The following SDK2 variants were observed in gnomAD, a reference collection of about 807,000 sequenced individuals.
SDK2 encodes protein sidekick-2.
SDK2 carries 105 observed loss-of-function variants against 253.9 expected under a neutral mutation model. The ratio of observed to expected loss-of-function variants is 0.41; its 90% CI spans 0.35 to 0.49. SDK2 has a LOEUF of 0.49. Among genes scored for constraint, SDK2 ranks in the 20% least tolerant of loss-of-function variants. The pLI is 0.06. For synonymous variants in SDK2, 1,249 were observed against 1,234.9 expected, an observed-to-expected ratio of 1.01 and a Z score of -0.24; for missense variants, 2,608 against 3,003.0, an observed-to-expected ratio of 0.87 and a Z score of 3.07.
chr17:73,458,907 G>A (rs1237446167), intron 3 of SDK2, among the ~76,000 whole-genome samples: 1 of 152,216 alleles, frequency 6.6e-6, no homozygotes, highest in East Asian at 1.9e-4. Context: ...GGGAGGCTGA[G>A]GTAGGAGAAT....
chr17:73,422,156 C>T, intron 15 of SDK2, 131 bp downstream of exon 15: 1 of 996,726 alleles, frequency 1.0e-6, no homozygotes, highest in Non-Finnish European at 1.5e-6. Context: ...GGATTGCTCT[C>T]CCCTTCTACA....
chr17:73,396,403 C>G (rs761453771), intron 24 of SDK2, among the ~76,000 whole-genome samples: 4 of 152,156 alleles, frequency 2.6e-5, no homozygotes, highest in Admixed American at 6.5e-5. Context: ...TCACCTCCCC[C>G]AGTTCTGCTT....
rs752748221 is a variant in SDK2, at chr17:73,352,528, G to A, written c.5703C>T (p.Ile1901=). 3.7e-6 allele frequency: 6 copies of A among 1,613,882 alleles called. No individual in the cohort carries two copies. The highest frequency in any genetic ancestry group is 8.5e-7 in the Non-Finnish European group (1 of 1,179,896). Residue 1901 remains isoleucine (I), a synonymous_variant, in exon 41 of 45, where the codon ATC becomes ATT. Transcript: ENST00000392650. This position sits in a 1 kb window ranked among gnomAD's most constrained non-coding sequence, Gnocchi z 4.1. The part of the protein sequence containing the change: ...KPGVSYDFRV[I]AVNDYGFGTP... The stretch of plus-strand genomic sequence containing the variant: ...TGCCGAAACCATAGTCGTTGACCGC[G>A]ATGACCCGGAAGTCATAGCTCACGC...
At chr17:73,484,074 T>C (rs2063755538) in intron 2 of SDK2, among the ~76,000 whole-genome samples, 2 of 152,104 alleles carry the variant, frequency 1.3e-5, no homozygotes, top group Non-Finnish European at 1.5e-5. Flanking sequence ...ACAATTGTGC[T>C]TTAGAATTTC....
At chr17:73,617,856 C>T (rs572602637) in intron 1 of SDK2, among the ~76,000 whole-genome samples, 2 of 152,288 alleles carry the variant, frequency 1.3e-5, no homozygotes, top group African/African-American at 2.4e-5. Flanking sequence ...ATCCATCCCC[C>T]GGCCTCTGGG....
chr17:73,574,933 T>G (rs2045438336), intron 1 of SDK2, among the ~76,000 whole-genome samples: 1 of 152,192 alleles, frequency 6.6e-6, no homozygotes, highest in South Asian at 2.1e-4. Flanking sequence ...GTCTTGCACC[T>G]TAGTAGAGGC....
At chr17:73,597,898 G>C (rs1405197506) in intron 1 of SDK2, among the ~76,000 whole-genome samples, 1 of 152,146 alleles carries the variant, frequency 6.6e-6, no homozygotes, top group African/African-American at 2.4e-5. Context: ...GCCCACCTCA[G>C]CCTCCCAAAG....
At chr17:73,601,410 C>T (rs1184155162) in intron 1 of SDK2, among the ~76,000 whole-genome samples, 1 of 152,190 alleles carries the variant, frequency 6.6e-6, no homozygotes, top group Non-Finnish European at 1.5e-5. Flanking sequence ...CACCCAGAAC[C>T]TCACGATGTG....
chr17:73,419,135 C>G (rs536909782), intron 16 of SDK2, 31 bp downstream of exon 16: 48 of 1,606,856 alleles, frequency 3.0e-5, no homozygotes, highest in Non-Finnish European at 4.1e-5. Flanking sequence ...CCCCTTGGGA[C>G]TGGGCTCCTG....
chr17:73,569,457 C>CA (rs1358840016), intron 1 of SDK2, among the ~76,000 whole-genome samples: 1 of 152,008 alleles, frequency 6.6e-6, no homozygotes, highest in East Asian at 1.9e-4. Context: ...CTGGGCCTCC[C>CA]AAAGTGCTGG....
chr17:73,439,049 G>C (rs183495398), intron 6 of SDK2, among the ~76,000 whole-genome samples: 1 of 152,342 alleles, frequency 6.6e-6, no homozygotes, highest in African/African-American at 2.4e-5. Context: ...GTGGAATTGT[G>C]ATCCACAATG....
chr17:73,368,386 C>T, intron 37 of SDK2, 21 bp downstream of exon 37: 1 of 1,484,560 alleles, frequency 6.7e-7, no homozygotes, highest in Non-Finnish European at 9.0e-7. Context: ...CCCCTCCCCT[C>T]CTCAGGGCCC....
intron 18 of SDK2, among the ~76,000 whole-genome samples, chr17:73,408,264 C>T (rs2063097181): frequency 6.7e-6 from 1 of 149,082 alleles, no homozygotes; most frequent in African/African-American, 2.5e-5. Flanking sequence ...GTCACCCAGG[C>T]TGGAGTGCAG....
intron 1 of SDK2, among the ~76,000 whole-genome samples, chr17:73,637,740 T>C (rs2143294849): frequency 6.6e-6 from 1 of 152,298 alleles, no homozygotes; most frequent in African/African-American, 2.4e-5. Flanking sequence ...TCAAGGACCT[T>C]GTGTATTTCA....
At chr17:73,631,537 C>T (rs1599739990) in intron 1 of SDK2, among the ~76,000 whole-genome samples, 1 of 152,192 alleles carries the variant, frequency 6.6e-6, no homozygotes, top group South Asian at 2.1e-4. Flanking sequence ...GGGCTGCCGG[C>T]CAGGAACCCC....
rs747655108 is a variant in SDK2 at position 73,507,553 on chromosome 17, C to T, written c.109G>A (p.Val37Met). ...ACCAGGCGGTTTCCTTCCAAGTGCA[C>T]CTGTGTCCGCACAGGCTCTGTCTTG... ...YFKTEPVRTQ[V>M]HLEGNRLVLT... Residue 37 changes from valine to methionine, a missense_variant, in exon 2 of 45, where the codon GTG (valine) becomes ATG (methionine). Physicochemically the swap from Val to Met is conservative, Grantham distance 21 (BLOSUM62 1). This residue lies in a region of SDK2 where 1,505 missense variants were observed against 1,859.1 expected (regional missense o/e 0.81). Transcript: ENST00000392650. The T allele has an allele frequency of 1.3e-6, 2 of 1,551,734 alleles. No homozygotes were observed. Among genetic ancestry groups the T allele is most frequent in the South Asian group, 1.2e-5 (1 of 84,056 alleles).
intron 44 of SDK2, among the ~76,000 whole-genome samples, chr17:73,342,609 C>T (rs1484594209): frequency 1.3e-5 from 2 of 152,334 alleles, no homozygotes; most frequent in South Asian, 2.1e-4. Context: ...CAGTTGTTAG[C>T]ATCAGCTCCA....
intron 1 of SDK2, among the ~76,000 whole-genome samples, chr17:73,567,848 C>T (rs1344352196): frequency 1.3e-5 from 2 of 152,230 alleles, no homozygotes; most frequent in East Asian, 1.9e-4. Context: ...ACCATTGTAT[C>T]TTGAAAGTAA....
At position 73,431,212 on chromosome 17, in the gene SDK2, T is replaced by C. The variant is rs2063323216; in HGVS notation, c.1480+290A>G. Reference sequence around the variant, plus strand: ...TTATGATCTGGCCCTTTCTTGAAAATATTTGCCGATTTCTGCCCTAAAATA... The same window carrying C: ...TTATGATCTGGCCCTTTCTTGAAAACATTTGCCGATTTCTGCCCTAAAATA... On this transcript the variant is annotated intron_variant, in intron 11 of 44. Coordinates refer to ENST00000392650, the MANE Select transcript of SDK2 (RefSeq NM_001144952.2). The surrounding 1 kb of genome is among the most constrained non-coding windows in gnomAD (Gnocchi z 5.6). Among the ~76,000 whole-genome samples, 2 of 152,154 alleles carry C rather than the reference T, an allele frequency of 1.3e-5. No individual in the cohort carries two copies. Among genetic ancestry groups the C allele is most frequent in the South Asian group, 4.1e-4 (2 of 4,826 alleles).
Sources: gnomAD v4.1 joint callset for allele counts (sites outside exome capture counted in the v4.1 genomes callset) on GRCh38, gnomAD v4.1.1 for gene constraint, gnomAD v4.1.1 regional missense constraint, Gnocchi (gnomAD v3.1) non-coding constraint, MANE v1.5 for transcripts, NCBI Gene and HGNC (gene_info 2026-07-23, HGNC 2026-07-21) for gene names.